Variants in ZBTB7C observed in about 807,000 individuals in gnomAD.
ZBTB7C encodes the protein zinc finger and BTB domain containing 7C.
A neutral mutation model predicts 25.7 loss-of-function variants in ZBTB7C; 8 were observed. The observed-to-expected ratio is 0.31, with a 90% CI of 0.18 to 0.56. The LOEUF is 0.56. ZBTB7C is among the 20% of genes least tolerant of loss of function. ZBTB7C has a pLI of 0.91. For missense variants in ZBTB7C, 824 were observed against 855.2 expected, an observed-to-expected ratio of 0.96 and a Z score of 0.46; for synonymous variants, 394 against 369.0, an observed-to-expected ratio of 1.07 and a Z score of -0.78.
chr18:48,054,161 T>C (rs540993181), intron 3 of ZBTB7C, among the ~76,000 whole-genome samples: 27 of 152,252 alleles, frequency 1.8e-4, no homozygotes, highest in Non-Finnish European at 3.1e-4. Context: ...AGGGGCCTCA[T>C]GAGCATTGGA....
chr18:48,116,934 C>G (rs997272033), intron 3 of ZBTB7C, among the ~76,000 whole-genome samples: 2 of 152,114 alleles, frequency 1.3e-5, no homozygotes, highest in African/African-American at 4.8e-5. Flanking sequence ...GGCAGGGGCT[C>G]TATGTTATAA....
At chr18:48,055,128 G>A (rs2036859669) in intron 3 of ZBTB7C, among the ~76,000 whole-genome samples, 1 of 152,060 alleles carries the variant, frequency 6.6e-6, no homozygotes, top group African/African-American at 2.4e-5. Flanking sequence ...ATGTGGGGCT[G>A]GGCATGGTGG....
chr18:48,148,300 C>G (rs1715986073), intron 3 of ZBTB7C: 1 of 152,106 alleles, frequency 6.6e-6, no homozygotes, highest in Admixed American at 6.6e-5. Flanking sequence ...TGAGCCACCA[C>G]GCCTGGCCAG....
chr18:48,172,126 GGAA>G (rs2041503537), intron 3 of ZBTB7C, among the ~76,000 whole-genome samples: 1 of 152,238 alleles, frequency 6.6e-6, no homozygotes, highest in South Asian at 2.1e-4. Flanking sequence ...TGCAGGCAGA[GGAA>G]GAAGGTCACT....
intron 2 of ZBTB7C, among the ~76,000 whole-genome samples, chr18:48,228,856 T>C (rs1440271769): frequency 1.3e-5 from 2 of 151,328 alleles, no homozygotes; most frequent in African/African-American, 4.9e-5. Context: ...CACCCTCTCA[T>C]ACACAAACAC....
chr18:48,259,373 C>T (rs2044106985), intron 2 of ZBTB7C, among the ~76,000 whole-genome samples: 1 of 148,086 alleles, frequency 6.8e-6, no homozygotes, highest in Middle Eastern at 3.5e-3. Context: ...ATACCTTCTA[C>T]CATACACAAA....
chr18:48,228,781 T>G (rs951717931), intron 2 of ZBTB7C, among the ~76,000 whole-genome samples: 2 of 114,728 alleles, frequency 1.7e-5, no homozygotes, highest in Admixed American at 1.6e-4. Flanking sequence ...ACACTCGTGC[T>G]CATACACACT....
intron 3 of ZBTB7C, among the ~76,000 whole-genome samples, chr18:48,070,299 A>G (rs2037495796): frequency 6.6e-6 from 1 of 152,170 alleles, no homozygotes; most frequent in African/African-American, 2.4e-5. Context: ...GAGGGGGACT[A>G]CCTGCCTGGT....
At chr18:48,261,850 CATT>C (rs1359023534) in intron 2 of ZBTB7C, among the ~76,000 whole-genome samples, 3 of 152,260 alleles carry the variant, frequency 2.0e-5, no homozygotes, top group African/African-American at 7.2e-5. Context: ...TCCACATCAT[CATT>C]AAGATCTATT....
intron 3 of ZBTB7C, among the ~76,000 whole-genome samples, chr18:48,138,745 G>A (rs117500043): frequency 0.017 from 2,631 of 152,340 alleles, 25 homozygotes; most frequent in Middle Eastern, 0.041. Flanking sequence ...GACAAAGACT[G>A]AGAAGTCAAA....
chr18:48,269,193 G>A (rs1348842302), intron 2 of ZBTB7C, among the ~76,000 whole-genome samples: 1 of 151,962 alleles, frequency 6.6e-6, no homozygotes, highest in Non-Finnish European at 1.5e-5. Context: ...CAAACTCCTG[G>A]CCTCAAGTGA....
intron 2 of ZBTB7C, among the ~76,000 whole-genome samples, chr18:48,268,645 G>A (rs1174465095): frequency 6.6e-6 from 1 of 152,218 alleles, no homozygotes; most frequent in South Asian, 2.1e-4. Context: ...TGCTAAAACT[G>A]GGCTCAGCTG....
intron 1 of ZBTB7C, among the ~76,000 whole-genome samples, chr18:48,389,224 CTCTCTCTCTCTCGTGT>C (rs1364101297): frequency 4.3e-4 from 54 of 124,310 alleles, no homozygotes; most frequent in East Asian, 1.5e-3. Context: ...CTCTCTCTCT[CTCTCTCTCTCTCGTGT>C]GTGTGTGTGT....
chr18:48,365,815 A>T (rs1389749128), intron 1 of ZBTB7C, among the ~76,000 whole-genome samples: 2 of 152,232 alleles, frequency 1.3e-5, no homozygotes, highest in Non-Finnish European at 2.9e-5. Context: ...GTGCTCAAAA[A>T]CTAGGCCATA....
At chr18:48,303,778 G>A (rs941691731) in intron 2 of ZBTB7C, among the ~76,000 whole-genome samples, 1 of 152,172 alleles carries the variant, frequency 6.6e-6, no homozygotes, top group African/African-American at 2.4e-5. Flanking sequence ...TGTGAACTTA[G>A]GTTAACTCAC....
At chr18:48,331,746 C>G (rs1175228169) in intron 2 of ZBTB7C, among the ~76,000 whole-genome samples, 1 of 152,164 alleles carries the variant, frequency 6.6e-6, no homozygotes, top group Non-Finnish European at 1.5e-5. Context: ...GAAGGGTAAA[C>G]CACGCTCCCA....
intron 1 of ZBTB7C, among the ~76,000 whole-genome samples, chr18:48,339,784 G>A (rs146210194): frequency 1.3e-5 from 2 of 152,288 alleles, no homozygotes; most frequent in East Asian, 3.9e-4. Context: ...AGAGGAGAAA[G>A]CACAGAGATA....
chr18:48,087,992 T>C (rs1387139531), intron 3 of ZBTB7C, among the ~76,000 whole-genome samples: 1 of 152,184 alleles, frequency 6.6e-6, no homozygotes, highest in Non-Finnish European at 1.5e-5. Context: ...TTTATATGAA[T>C]ACATAAGTAC....
At chr18:48,261,673 A>G (rs973198629) in intron 2 of ZBTB7C, among the ~76,000 whole-genome samples, 1 of 152,134 alleles carries the variant, frequency 6.6e-6, no homozygotes, top group Non-Finnish European at 1.5e-5. Context: ...TCTTCACAGC[A>G]TGGACACTAG....
Sources: allele counts gnomAD v4.1 joint callset (sites outside exome capture counted in the v4.1 genomes callset), GRCh38; gene constraint gnomAD v4.1.1; transcripts MANE v1.5; gene names NCBI Gene and HGNC (gene_info 2026-07-23, HGNC 2026-07-21).